The following ATP10B variants were observed in gnomAD, a reference collection of about 807,000 sequenced individuals.
The protein encoded by ATP10B is phospholipid-transporting ATPase VB.
In ATP10B, 122 loss-of-function variants were observed where a neutral mutation model predicts 141.2. The ratio of observed to expected loss-of-function variants is 0.86; its 90% CI spans 0.75 to 1.00. ATP10B has a LOEUF of 1.00. Ranked by LOEUF, ATP10B falls within the 50% of genes least tolerant of loss-of-function variation. The pLI is 0.00. For synonymous variants in ATP10B, 685 were observed against 692.0 expected, an observed-to-expected ratio of 0.99 and a Z score of 0.16; for missense variants, 1,876 against 1,825.3, an observed-to-expected ratio of 1.03 and a Z score of -0.51.
At chr5:160,887,503 T>C in the ATP10B span, among the ~76,000 whole-genome samples, 1 of 152,066 alleles carries the variant, frequency 6.6e-6, no homozygotes, top group Non-Finnish European at 1.5e-5. Flanking sequence ...AAGTGAGACC[T>C]CATCACTCCT....
chr5:160,663,447 T>C (rs1196981557), intron 7 of ATP10B, among the ~76,000 whole-genome samples: 2 of 152,158 alleles, frequency 1.3e-5, no homozygotes, highest in Admixed American at 1.3e-4. Context: ...CACCATGGAA[T>C]ACTATGCAGC....
Position 160,707,450 on chromosome 5 carries a change from C to T in ATP10B, c.-205+9459G>A, listed in dbSNP as rs1290844254. ...CAACTTTCTTGCTCCATTTGAGATG[C>T]TGAAGGGACTCTCTGGTTATTATAA... On this transcript the variant is annotated intron_variant, in intron 3 of 25. Transcript: ENST00000327245. Among the ~76,000 whole-genome samples, 3 of 152,188 alleles carry T rather than the reference C, an allele frequency of 2.0e-5. No individual in the cohort carries two copies. The East Asian group carries it at 5.8e-4, about 29-fold the overall frequency.
At chr5:160,725,752 G>A (rs1449508195) in intron 2 of ATP10B, among the ~76,000 whole-genome samples, 1 of 152,064 alleles carries the variant, frequency 6.6e-6, no homozygotes, top group Non-Finnish European at 1.5e-5. Context: ...GCCTACTATG[G>A]GATTCTTAGG....
At position 160,632,303 on chromosome 5, in the gene ATP10B, G is replaced by A. The variant is rs1263590276; in HGVS notation, c.1446C>T (p.Cys482=). 3 of 1,614,220 alleles carry A rather than the reference G, an allele frequency of 1.9e-6. No homozygotes were observed. Residue 482 remains cysteine, a synonymous_variant, in exon 13 of 26, where the codon TGC becomes TGT. Transcript: ENST00000327245. ...SDGEEWTQYQ[C]LSFSARWAQD... ...GGGCCCATCTAGCCGAGAAGGACAG[G>A]CATTGGTATTGGGTCCACTCTTCAC...
intron 2 of ATP10B, among the ~76,000 whole-genome samples, chr5:160,771,628 C>G (rs190167569): frequency 1.4e-4 from 21 of 152,216 alleles, no homozygotes; most frequent in African/African-American, 5.1e-4. Flanking sequence ...TTCATAATCT[C>G]ACATAGTCTC....
intron 16 of ATP10B, 130 bp downstream of exon 16, chr5:160,617,734 T>C: frequency 1.2e-6 from 1 of 813,496 alleles, no homozygotes; most frequent in Admixed American, 2.7e-5. Flanking sequence ...TTGTGGCAAG[T>C]CAGAACAGCT....
the ATP10B span, among the ~76,000 whole-genome samples, chr5:160,919,635 A>G: frequency 6.6e-6 from 1 of 152,194 alleles, no homozygotes; most frequent in African/African-American, 2.4e-5. Flanking sequence ...TGGAAGGAGG[A>G]TATCTATTCT....
chr5:160,573,643 T>G (rs950470663), intron 24 of ATP10B, among the ~76,000 whole-genome samples: 1 of 152,166 alleles, frequency 6.6e-6, no homozygotes, highest in Admixed American at 6.5e-5. Flanking sequence ...GTGAGGGATC[T>G]AGGTTGCATG....
rs550389517 is a variant in ATP10B at position 160,694,362 on chromosome 5, G to C, written c.-204-5419C>G. Among the ~76,000 whole-genome samples, 13 of 152,154 alleles carry C rather than the reference G, an allele frequency of 8.5e-5. No individual in the cohort carries two copies. The South Asian group carries it at 2.7e-3, about 32-fold the overall frequency. On this transcript the variant is annotated intron_variant, in intron 3 of 25. Transcript: ENST00000327245. ...TGTCTCATTCTAGATTTTTGAAATG[G>C]CACCTCCCACTAAAAATAACTTGAG... is the stretch of plus-strand genomic sequence containing the variant.
the ATP10B span, among the ~76,000 whole-genome samples, chr5:160,890,953 T>G: frequency 6.6e-6 from 1 of 152,176 alleles, no homozygotes; most frequent in Non-Finnish European, 1.5e-5. Context: ...TACTTTTTGA[T>G]GACTATGAGT....
chr5:160,807,461 C>T (rs1166124723), intron 1 of ATP10B, among the ~76,000 whole-genome samples: 1 of 152,150 alleles, frequency 6.6e-6, no homozygotes, highest in Non-Finnish European at 1.5e-5. Flanking sequence ...GATACCTTAT[C>T]AGAGATGTTG....
intron 3 of ATP10B, among the ~76,000 whole-genome samples, chr5:160,700,895 C>A (rs148547159): frequency 4.6e-4 from 70 of 152,246 alleles, no homozygotes; most frequent in African/African-American, 1.5e-3. Context: ...CCCCCTATTA[C>A]CTCTCTCATG....
At chr5:160,673,531 T>G (rs1252972108) in intron 6 of ATP10B, among the ~76,000 whole-genome samples, 8 of 31,452 alleles carry the variant, frequency 2.5e-4, no homozygotes, top group Admixed American at 5.1e-4. Context: ...CTATTTTGTT[T>G]TGTTTTTTTT....
the ATP10B span, among the ~76,000 whole-genome samples, chr5:160,870,570 A>G: frequency 7.9e-5 from 12 of 152,114 alleles, no homozygotes; most frequent in African/African-American, 1.2e-4. Flanking sequence ...AGAATATCCA[A>G]GGATGGGACA....
At position 160,569,531 on chromosome 5, in the gene ATP10B, G is replaced by A. The variant is rs371707451; in HGVS notation, c.3903C>T (p.Val1301=). 6.2e-7 allele frequency: 1 copy of A among 1,613,826 alleles called. No homozygotes were observed. Among genetic ancestry groups the A allele is most frequent in the African/African-American group, 1.3e-5 (1 of 74,920 alleles). ...GAGCAACAACTGGTGTGAGAAAGCA[G>A]ACGAGGTAGAAAGTGGGGTTTGAGA... ...GQLSNPTFYL[V]CFLTPVVALL... Residue 1301 remains valine (V), a synonymous_variant, in exon 25 of 26, where the codon GTC becomes GTT. Transcript: ENST00000327245.
chr5:160,728,100 C>CG (rs1554108708), intron 2 of ATP10B, among the ~76,000 whole-genome samples: 1 of 145,762 alleles, frequency 6.9e-6, no homozygotes, highest in African/African-American at 2.5e-5. Context: ...TCTTCCTTTA[C>CG]TTTTTTTTTC....
chr5:160,813,178 G>A lies in ATP10B; in HGVS notation c.-575-27375C>T, dbSNP rs184179581. 7.0e-3 allele frequency among the ~76,000 whole-genome samples: 1,065 copies of A among 152,318 alleles called. 17 individuals are homozygous for A. The highest frequency in any genetic ancestry group is 0.024 in the African/African-American group (1,004 of 41,598). ...GTGCACCGAGCATGAGCCGAAGCAG[G>A]GCGAGGCATCGCCTCACCCGGGAAG... is the stretch of plus-strand genomic sequence containing the variant. On this transcript the variant is annotated intron_variant, in intron 1 of 25. Transcript: ENST00000327245.
intron 2 of ATP10B, among the ~76,000 whole-genome samples, chr5:160,728,784 G>C (rs199552927): frequency 1.2e-5 from 1 of 80,340 alleles, no homozygotes; most frequent in African/African-American, 5.4e-5. Flanking sequence ...CTGTTTCACG[G>C]AACCCTTTTG....
intron 1 of ATP10B, among the ~76,000 whole-genome samples, chr5:160,821,367 G>A (rs542839437): frequency 4.6e-5 from 7 of 151,844 alleles, no homozygotes; most frequent in East Asian, 3.9e-4. Context: ...AATTAAATAA[G>A]ATACAAAAAA....
Sources: gnomAD v4.1 joint callset for allele counts (sites outside exome capture counted in the v4.1 genomes callset) on GRCh38, gnomAD v4.1.1 for gene constraint, MANE v1.5 for transcripts, NCBI Gene and HGNC (gene_info 2026-07-23, HGNC 2026-07-21) for gene names.